Variants in NTRK1 observed in about 807,000 individuals in gnomAD.
NTRK1 encodes neurotrophic receptor tyrosine kinase 1, also known as high affinity nerve growth factor receptor.
Under a neutral mutation model 86.8 loss-of-function variants are expected in NTRK1, and 62 were observed. The ratio of observed to expected loss-of-function variants is 0.71; its 90% CI spans 0.58 to 0.88. The LOEUF (loss-of-function observed/expected upper bound fraction) is 0.88. Among genes scored for constraint, NTRK1 ranks in the 40% least tolerant of loss-of-function variants. NTRK1 has a pLI of 0.00. For synonymous variants in NTRK1, 469 were observed against 456.6 expected (o/e 1.03, Z -0.35); for missense variants, 967 against 1,078.4 (o/e 0.90, Z 1.45).
chr1:156,876,602 C>T (rs751262365), intron 14 of NTRK1, 30 bp downstream of exon 14: 23 of 1,595,098 alleles, frequency 1.4e-5, no homozygotes, highest in South Asian at 4.5e-5. Context: ...GCGCTGGCCC[C>T]GGCCCCTGGC....
chr1:156,838,930 GC>G (rs1252800605), intron 1 of NTRK1, among the ~76,000 whole-genome samples: 4 of 152,232 alleles, frequency 2.6e-5, no homozygotes, highest in Non-Finnish European at 4.4e-5. Context: ...GTGTGAGTGT[GC>G]AGGTCTCAGA....
intron 2 of NTRK1, chr1:156,844,888 T>C: frequency 6.2e-7 from 1 of 1,610,262 alleles, no homozygotes. Context: ...GTGGTTCATC[T>C]CACCTTATGT....
intron 2 of NTRK1, chr1:156,842,568 T>G (rs2102854264): frequency 4.7e-6 from 6 of 1,286,554 alleles, no homozygotes; most frequent in Non-Finnish European, 6.8e-6. Flanking sequence ...TTGGCCAAAA[T>G]TCTGATCTGC....
rs545291488 is a variant in NTRK1 at position 156,873,691 on chromosome 1, C to T, written c.909C>T (p.Phe303=). 1.9e-6 allele frequency: 3 copies of T among 1,611,688 alleles called. No homozygotes were observed. The African/African-American group carries it at 4.0e-5, about 21-fold the overall frequency. The part of the protein sequence containing the change: ...AVEMHHWCIP[F]SVDGQPAPSL... ...AGATGCACCACTGGTGCATCCCCTT[C>T]TCTGTGGATGGGCAGCCGGCACCGT... The change falls in exon 8 of 17, where the codon TTC becomes TTT. Residue 303 remains phenylalanine, a synonymous_variant. Transcript: ENST00000524377.
At chr1:156,815,943 C>T in intron 1 of NTRK1, 1 of 1,603,856 alleles carries the variant, frequency 6.2e-7, no homozygotes. Flanking sequence ...CAAGTCCTTC[C>T]CCATGGGAGG....
At chr1:156,818,283 G>C (rs1654077725) in intron 1 of NTRK1, among the ~76,000 whole-genome samples, 1 of 152,182 alleles carries the variant, frequency 6.6e-6, no homozygotes, top group Non-Finnish European at 1.5e-5. Context: ...GACTTGCCAA[G>C]ACTTACTGTT....
rs947924239 is a variant in NTRK1 at position 156,840,555 on chromosome 1, T to C, written c.-63-1526T>C. 59 of 392,986 alleles carry C rather than the reference T, an allele frequency of 1.5e-4. 2 individuals carry two copies. The South Asian group carries it at 1.6e-3, about 10-fold the overall frequency. The allele number at this position is 392,986 out of a possible 1,614,324, so 24.3% of individuals were successfully genotyped here. On this transcript the variant is annotated intron_variant, in intron 1 of 16. Transcript: ENST00000392302. Reference sequence around the variant, plus strand: ...ACCCCAAACTGAGGGGCAGGGCCTCTAGGGTGGGCGGGCCCCCTCTTCCTA... The same window carrying C: ...ACCCCAAACTGAGGGGCAGGGCCTCCAGGGTGGGCGGGCCCCCTCTTCCTA...
chr1:156,860,883 G>T lies in NTRK1; in HGVS notation c.-52G>T. Reference sequence around the variant, plus strand: ...TGTCGGGGGAGGCCTGGCAGCTGCAGCTGGGAGCGCACAGACGGCTGCCCC... The same window carrying T: ...TGTCGGGGGAGGCCTGGCAGCTGCATCTGGGAGCGCACAGACGGCTGCCCC... On this transcript the variant is annotated 5_prime_UTR_variant, in exon 1 of 17. Coordinates refer to ENST00000524377, the MANE Select transcript of NTRK1 (RefSeq NM_002529.4). The T allele has an allele frequency of 7.2e-7, 1 of 1,396,718 alleles. No homozygotes were observed. The highest frequency in any genetic ancestry group is 9.2e-7 in the Non-Finnish European group (1 of 1,087,500). The allele number at this position is 1,396,718 out of a possible 1,614,324, so 86.5% of individuals were successfully genotyped here.
chr1:156,817,407 G>C (rs973139244), intron 1 of NTRK1, among the ~76,000 whole-genome samples: 1 of 151,516 alleles, frequency 6.6e-6, no homozygotes, highest in Non-Finnish European at 1.5e-5. Flanking sequence ...AACATAGTGA[G>C]AGCCCATCAC....
At chr1:156,846,124 G>T in intron 2 of NTRK1, 3 of 1,586,250 alleles carry the variant, frequency 1.9e-6, no homozygotes, top group Non-Finnish European at 2.6e-6. Context: ...TGGGAGCTAG[G>T]AGTGCGAGAA....
intron 16 of NTRK1, chr1:156,880,486 C>T (rs1365153216): frequency 2.0e-5 from 7 of 352,124 alleles, no homozygotes; most frequent in South Asian, 6.5e-5. Flanking sequence ...GGGACCAGCA[C>T]GGGAAGAGGA....
rs71644586 is a variant in NTRK1, at chr1:156,867,671, C to CT, written c.429-420dup. On this transcript the variant is annotated intron_variant, in intron 4 of 16. Coordinates refer to ENST00000524377, the MANE Select transcript of NTRK1 (RefSeq NM_002529.4). Reference sequence around the variant, plus strand: ...TTCTTTCTTTCTTTTCTTTTCTTTTCTTTTTTTTTTTTTATGAGACGGAGT... The same window carrying CT: ...TTCTTTCTTTCTTTTCTTTTCTTTTCTTTTTTTTTTTTTTATGAGACGGAGT... Among the ~76,000 whole-genome samples the CT allele has an allele frequency of 2.6e-3, 368 of 141,000 alleles. 1 individual carries two copies. Among genetic ancestry groups the CT allele is most frequent in the African/African-American group, 5.3e-3 (201 of 38,230 alleles). The allele number at this position is 141,000 out of a possible 152,430, so 92.5% of individuals were successfully genotyped here. A position where few individuals can be genotyped will look rare whatever the true frequency, so the allele number is the denominator to read the frequency against.
At chr1:156,874,317 T>G in intron 8 of NTRK1, 66 bp from the exon 9 acceptor site, 19 of 1,611,846 alleles carry the variant, frequency 1.2e-5, no homozygotes, top group Non-Finnish European at 1.5e-5. Flanking sequence ...ACTCACTGCT[T>G]TCCTCCTCCC....
At chr1:156,840,843 T>A in intron 1 of NTRK1, 2 of 1,557,114 alleles carry the variant, frequency 1.3e-6, no homozygotes, top group Non-Finnish European at 1.8e-6. Flanking sequence ...TGTCTCCCCA[T>A]GGGAGGCCAG....
At chr1:156,836,697 G>C (rs528502612) in intron 1 of NTRK1, among the ~76,000 whole-genome samples, 4 of 152,038 alleles carry the variant, frequency 2.6e-5, no homozygotes, top group Admixed American at 6.6e-5. Context: ...CTAAGTCGGG[G>C]AGGCCAAACC....
upstream of NTRK1, chr1:156,860,678 A>C: frequency 1.9e-6 from 1 of 536,058 alleles, no homozygotes; most frequent in South Asian, 4.0e-5. Flanking sequence ...CGTCTGCCGG[A>C]GCTGAGGCGG....
chr1:156,842,880 G>C, intron 2 of NTRK1: 4 of 758,940 alleles, frequency 5.3e-6, no homozygotes, highest in East Asian at 2.7e-5. Context: ...CCCCAATTAG[G>C]ATCCTAACCA....
At chr1:156,836,018 G>T (rs1216012341) in intron 1 of NTRK1, among the ~76,000 whole-genome samples, 1 of 152,090 alleles carries the variant, frequency 6.6e-6, no homozygotes, top group Non-Finnish European at 1.5e-5. Flanking sequence ...CCTTTTCATA[G>T]TCTCAGAATT....
chr1:156,866,843 C>T (rs990920488), intron 3 of NTRK1, 67 bp from the exon 4 acceptor site: 12 of 1,544,542 alleles, frequency 7.8e-6, no homozygotes, highest in Admixed American at 5.0e-5. Flanking sequence ...CCTCCCCTCC[C>T]TCATTCTGGT....
Sources: gnomAD v4.1 joint callset for allele counts (sites outside exome capture counted in the v4.1 genomes callset) on GRCh38, gnomAD v4.1.1 for gene constraint, MANE v1.5 for transcripts, NCBI Gene and HGNC (gene_info 2026-07-23, HGNC 2026-07-21) for gene names.